Variants in NDST4 observed in about 807,000 individuals in gnomAD.
The protein encoded by NDST4 is N-deacetylase and N-sulfotransferase 4, also known as N-heparan sulfate sulfotransferase 4.
Under a neutral mutation model 100.8 loss-of-function variants are expected in NDST4, and 63 were observed. The observed-to-expected ratio is 0.62, with a 90% CI of 0.51 to 0.77. The LOEUF (loss-of-function observed/expected upper bound fraction) is 0.77, where lower values mean the gene tolerates loss of function less well. Ranked by LOEUF, NDST4 falls within the 30% of genes least tolerant of loss-of-function variation. NDST4 has a pLI of 0.00. For synonymous variants in NDST4, 377 were observed against 361.8 expected (o/e 1.04, Z -0.48); for missense variants, 943 against 1,018.4 (o/e 0.93, Z 1.01).
At chr4:114,863,598 A>G (rs937809636) in intron 7 of NDST4, among the ~76,000 whole-genome samples, 3 of 152,246 alleles carry the variant, frequency 2.0e-5, no homozygotes, top group Non-Finnish European at 4.4e-5. Flanking sequence ...TGAAACTGCA[A>G]CAGATATTTA....
intron 4 of NDST4, among the ~76,000 whole-genome samples, chr4:114,965,366 A>T (rs1726357670): frequency 6.6e-6 from 1 of 152,058 alleles, no homozygotes; most frequent in Non-Finnish European, 1.5e-5. Context: ...GCCTATTATG[A>T]CACTTAAGGA....
At chr4:115,019,731 G>T (rs183371314) in intron 2 of NDST4, among the ~76,000 whole-genome samples, 47 of 152,256 alleles carry the variant, frequency 3.1e-4, no homozygotes, top group South Asian at 1.2e-3. Context: ...GGACCCCTAA[G>T]AGGTGATCAG....
At chr4:114,956,504 C>T (rs561029680) in intron 4 of NDST4, among the ~76,000 whole-genome samples, 1 of 152,250 alleles carries the variant, frequency 6.6e-6, no homozygotes, top group South Asian at 2.1e-4. Flanking sequence ...ACCAGATAAA[C>T]AGGTAGCTAA....
At chr4:114,941,224 A>G (rs887652371) in intron 4 of NDST4, among the ~76,000 whole-genome samples, 5 of 152,218 alleles carry the variant, frequency 3.3e-5, no homozygotes, top group African/African-American at 4.8e-5. Context: ...CAGAGAAGGC[A>G]TGTAACTTGC....
At position 114,829,855 on chromosome 4, in the gene NDST4, C is replaced by T. The variant is rs142305715; in HGVS notation, c.2434G>A (p.Glu812Lys). The change falls in exon 13 of 14, where the codon GAA (glutamate) becomes AAA (lysine). Residue 812 changes from glutamate (E) to lysine (K), a missense_variant. Physicochemically the swap from Glu to Lys is moderately conservative, Grantham distance 56. Around this residue, in one of 2 missense-constraint regions of NDST4, gnomAD observed 526 missense variants for 634.1 expected, o/e 0.83. Coordinates refer to ENST00000264363, the MANE Select transcript of NDST4 (RefSeq NM_022569.3). ...PQKGFWCQLL[E>K]GGKTKCLGKS... ...CCAAGGCATTTTGTCTTTCCTCCTT[C>T]CAGTAATTGACACCAAAAACCCTTT... 1.9e-6 allele frequency: 3 copies of T among 1,612,030 alleles called. No individual in the cohort carries two copies. Among genetic ancestry groups the T allele is most frequent in the Non-Finnish European group, 1.7e-6 (2 of 1,179,468 alleles).
intron 4 of NDST4, among the ~76,000 whole-genome samples, chr4:114,969,460 C>T (rs1726460405): frequency 1.3e-5 from 2 of 151,740 alleles, no homozygotes; most frequent in Non-Finnish European, 2.9e-5. Flanking sequence ...GTAGTTTTTC[C>T]ATCCTCTCCC....
chr4:114,962,636 A>G (rs1167346700), intron 4 of NDST4, among the ~76,000 whole-genome samples: 1 of 152,064 alleles, frequency 6.6e-6, no homozygotes, highest in East Asian at 1.9e-4. Flanking sequence ...TGAAAATTAT[A>G]AAATATTGTT....
intron 1 of NDST4, among the ~76,000 whole-genome samples, chr4:115,093,291 C>T (rs976210984): frequency 1.3e-5 from 2 of 151,798 alleles, no homozygotes; most frequent in African/African-American, 2.4e-5. Flanking sequence ...CTGGCTAACA[C>T]GGTGAAACCC....
At position 114,839,294 on chromosome 4, in the gene NDST4, G is replaced by A. The variant is rs527381224; in HGVS notation, c.2286+84C>T. ...ATACAATCATGATAAGCAGAAGAAA[G>A]TAATTTCAGGACATTATAATAAAAT... On this transcript the variant is annotated intron_variant, in intron 11 of 13. Transcript: ENST00000264363. The A allele has an allele frequency of 1.6e-3, 2,099 of 1,306,918 alleles. 2 individuals carry two copies. The highest frequency in any genetic ancestry group is 0.01 in the Middle Eastern group (46 of 4,542). 81.0% of individuals were successfully genotyped at this position (1,306,918 alleles called of 1,614,324 possible).
chr4:115,044,267 T>G (rs998070869), intron 2 of NDST4, among the ~76,000 whole-genome samples: 2 of 152,082 alleles, frequency 1.3e-5, no homozygotes, highest in African/African-American at 4.8e-5. Context: ...TACAGTAACA[T>G]ATATCTTTTA....
At chr4:114,875,508 T>C (rs1451044770) in intron 6 of NDST4, among the ~76,000 whole-genome samples, 1 of 152,190 alleles carries the variant, frequency 6.6e-6, no homozygotes, top group African/African-American at 2.4e-5. Flanking sequence ...TATCAAAATG[T>C]ATAAATCTTG....
chr4:115,033,566 G>A (rs760256216), intron 2 of NDST4, among the ~76,000 whole-genome samples: 1 of 151,744 alleles, frequency 6.6e-6, no homozygotes, highest in Non-Finnish European at 1.5e-5. Flanking sequence ...ATTGTGTGGA[G>A]TAAGAGCTCT....
At chr4:114,992,845 T>A (rs964043150) in intron 2 of NDST4, among the ~76,000 whole-genome samples, 16 of 151,888 alleles carry the variant, frequency 1.1e-4, no homozygotes, top group Middle Eastern at 3.2e-3. Flanking sequence ...ATCCCAAATC[T>A]GTTCTTTACA....
At chr4:114,982,533 C>G (rs1442241553) in intron 2 of NDST4, among the ~76,000 whole-genome samples, 1 of 152,078 alleles carries the variant, frequency 6.6e-6, no homozygotes, top group East Asian at 1.9e-4. Flanking sequence ...TATGGCCTGG[C>G]CCTTCCTAAA....
chr4:115,049,995 G>A (rs766145635), intron 2 of NDST4, among the ~76,000 whole-genome samples: 25 of 152,054 alleles, frequency 1.6e-4, no homozygotes, highest in Non-Finnish European at 4.4e-5. Context: ...TCTGTCAGAG[G>A]AAGAACCAAA....
At chr4:114,901,095 A>G (rs753434630) in intron 6 of NDST4, among the ~76,000 whole-genome samples, 3 of 151,830 alleles carry the variant, frequency 2.0e-5, no homozygotes, top group Non-Finnish European at 4.4e-5. Flanking sequence ...GTTCCATGCA[A>G]CCTTGAGAAG....
At chr4:114,885,376 C>T (rs1724456191) in intron 6 of NDST4, among the ~76,000 whole-genome samples, 1 of 152,058 alleles carries the variant, frequency 6.6e-6, no homozygotes, top group African/African-American at 2.4e-5. Context: ...GCTGGATCTC[C>T]TAGAACATTT....
chr4:115,051,772 A>G (rs1055298125), intron 2 of NDST4, among the ~76,000 whole-genome samples: 2 of 152,092 alleles, frequency 1.3e-5, no homozygotes, highest in Non-Finnish European at 2.9e-5. Flanking sequence ...TTGGATATAT[A>G]CCCAGTAGTG....
intron 6 of NDST4, among the ~76,000 whole-genome samples, chr4:114,906,404 C>T (rs1046579467): frequency 2.0e-5 from 3 of 151,436 alleles, no homozygotes; most frequent in African/African-American, 4.9e-5. Context: ...AGGAGATATT[C>T]GGGGGAGATT....
Sources: allele counts gnomAD v4.1 joint callset (sites outside exome capture counted in the v4.1 genomes callset), GRCh38; gene constraint gnomAD v4.1.1; regional missense constraint gnomAD v4.1.1; transcripts MANE v1.5; gene names NCBI Gene and HGNC (gene_info 2026-07-23, HGNC 2026-07-21).